PTPRD: variants seen among roughly 807,000 people sequenced by gnomAD.
The protein encoded by PTPRD is protein tyrosine phosphatase receptor type D, also known as receptor-type tyrosine-protein phosphatase delta.
In PTPRD, 34 loss-of-function variants were observed where a neutral mutation model predicts 214.5. The ratio of observed to expected loss-of-function variants is 0.16; its 90% CI spans 0.12 to 0.21. The LOEUF is 0.21. Among genes scored for constraint, PTPRD ranks in the 10% least tolerant of loss-of-function variants. The pLI is 1.00. For synonymous variants in PTPRD, 1,128 were observed against 845.7 expected (o/e 1.33, Z -5.79); for missense variants, 2,545 against 2,398.7 (o/e 1.06, Z -1.27).
chr9:8,453,187 G>A (rs763064305), intron 33 of PTPRD, among the ~76,000 whole-genome samples: 4 of 152,068 alleles, frequency 2.6e-5, no homozygotes, highest in Non-Finnish European at 5.9e-5. Context: ...TGAAAGGTAC[G>A]GAGTCCCACT....
At chr9:9,613,402 C>T (rs928794884) in intron 7 of PTPRD, among the ~76,000 whole-genome samples, 5 of 151,806 alleles carry the variant, frequency 3.3e-5, no homozygotes, top group African/African-American at 7.3e-5. Flanking sequence ...ATTGCCTTCA[C>T]GATCATTGTC....
At chr9:10,352,047 G>C (rs1026461773) in intron 2 of PTPRD, among the ~76,000 whole-genome samples, 2 of 152,012 alleles carry the variant, frequency 1.3e-5, no homozygotes, top group African/African-American at 4.8e-5. Context: ...GTGGTGGAAA[G>C]AGAACTGAAT....
At chr9:9,119,834 A>AT (rs111523295) in intron 10 of PTPRD, among the ~76,000 whole-genome samples, 4,623 of 144,140 alleles carry the variant, frequency 0.032, 115 homozygotes, top group East Asian at 0.075. Flanking sequence ...AGATTCTGTG[A>AT]TTTTTTTTTT....
chr9:10,590,122 G>A (rs1425140670), intron 2 of PTPRD, among the ~76,000 whole-genome samples: 3 of 151,910 alleles, frequency 2.0e-5, no homozygotes, highest in Non-Finnish European at 4.4e-5. Flanking sequence ...TTAAACTTCT[G>A]AGCACTAGTA....
intron 14 of PTPRD, among the ~76,000 whole-genome samples, chr9:8,535,322 G>A (rs1377378728): frequency 6.6e-6 from 1 of 151,724 alleles, no homozygotes; most frequent in Non-Finnish European, 1.5e-5. Flanking sequence ...AAAAAACAGG[G>A]GTTATCTAGA....
intron 2 of PTPRD, among the ~76,000 whole-genome samples, chr9:10,518,425 G>A (rs747299741): frequency 3.3e-5 from 5 of 152,116 alleles, no homozygotes; most frequent in African/African-American, 7.2e-5. Flanking sequence ...AATCAGTCCA[G>A]TGGAAATTGA....
At chr9:8,619,701 G>C (rs558205421) in intron 14 of PTPRD, among the ~76,000 whole-genome samples, 72 of 151,696 alleles carry the variant, frequency 4.7e-4, no homozygotes, top group Middle Eastern at 3.4e-3. Context: ...CAAGGACGAT[G>C]ACTAAATAAA....
intron 2 of PTPRD, among the ~76,000 whole-genome samples, chr9:10,550,418 T>C (rs1407596575): frequency 6.6e-6 from 1 of 152,182 alleles, no homozygotes; most frequent in East Asian, 1.9e-4. Context: ...TAGGATTTAA[T>C]TCCAGGAAAC....
intron 3 of PTPRD, among the ~76,000 whole-genome samples, chr9:10,045,684 C>T (rs2097375083): frequency 6.6e-6 from 1 of 151,556 alleles, no homozygotes; most frequent in South Asian, 2.1e-4. Flanking sequence ...ATAATCATTC[C>T]TATTTTAAAT....
intron 4 of PTPRD, among the ~76,000 whole-genome samples, chr9:10,009,315 G>A (rs1244719172): frequency 7.0e-6 from 1 of 142,692 alleles, no homozygotes; most frequent in Non-Finnish European, 1.6e-5. Context: ...TATCCAAGGT[G>A]GTTGGGTTAC....
chr9:9,666,184 C>A (rs1323842099), intron 7 of PTPRD, among the ~76,000 whole-genome samples: 5 of 151,686 alleles, frequency 3.3e-5, no homozygotes, highest in African/African-American at 1.2e-4. Flanking sequence ...ATTTATAGCA[C>A]TAAAACAGGA....
intron 3 of PTPRD, among the ~76,000 whole-genome samples, chr9:10,304,610 T>C (rs612312): frequency 0.31 from 46,741 of 151,590 alleles, 8,512 homozygotes; most frequent in African/African-American, 0.5. Context: ...GATCCCTATA[T>C]ACAAATAATA....
chr9:8,512,503 C>T (rs920254658), intron 21 of PTPRD, among the ~76,000 whole-genome samples: 2 of 151,972 alleles, frequency 1.3e-5, no homozygotes. Flanking sequence ...TGTTGACATA[C>T]ACTAATGAAA....
intron 9 of PTPRD, among the ~76,000 whole-genome samples, chr9:9,200,858 T>C (rs1593423602): frequency 2.0e-5 from 3 of 152,228 alleles, no homozygotes; most frequent in South Asian, 4.1e-4. Flanking sequence ...AAAACCATCA[T>C]TGATTACATT....
intron 8 of PTPRD, among the ~76,000 whole-genome samples, chr9:9,547,227 G>C (rs1202731621): frequency 6.6e-6 from 1 of 152,012 alleles, no homozygotes; most frequent in Non-Finnish European, 1.5e-5. Context: ...TTCAGAAAAA[G>C]TACGCAGTCA....
chr9:9,877,865 TG>T lies in PTPRD; in HGVS notation c.-368+60641del, dbSNP rs773025920. On this transcript the variant is annotated intron_variant, in intron 5 of 45. Coordinates refer to ENST00000381196, the MANE Select transcript of PTPRD (RefSeq NM_002839.4). ...GCCCATGCCTGTAATCCTGGCTACT[TG>T]GGAGGCTGAGGCAGGAGAATTGCTT... 2.0e-5 allele frequency among the ~76,000 whole-genome samples: 3 copies of T among 146,754 alleles called. No homozygotes were observed. The East Asian group carries it at 6.2e-4, about 30-fold the overall frequency.
At chr9:9,258,285 G>T (rs1235423842) in intron 9 of PTPRD, among the ~76,000 whole-genome samples, 1 of 151,838 alleles carries the variant, frequency 6.6e-6, no homozygotes, top group East Asian at 2.0e-4. Flanking sequence ...TGGCTTCCAG[G>T]CAACAATACT....
intron 9 of PTPRD, among the ~76,000 whole-genome samples, chr9:9,240,517 A>G (rs1430056197): frequency 2.6e-5 from 4 of 152,272 alleles, no homozygotes; most frequent in African/African-American, 7.2e-5. Flanking sequence ...CTAGAAATAC[A>G]AAAATTAGCT....
intron 9 of PTPRD, among the ~76,000 whole-genome samples, chr9:9,297,062 T>C (rs919390990): frequency 3.3e-5 from 5 of 151,696 alleles, no homozygotes; most frequent in African/African-American, 9.7e-5. Flanking sequence ...AGAGTTAAAA[T>C]GCACTGCATG....
Sources: gnomAD v4.1 joint callset for allele counts (sites outside exome capture counted in the v4.1 genomes callset) on GRCh38, gnomAD v4.1.1 for gene constraint, MANE v1.5 for transcripts, NCBI Gene and HGNC (gene_info 2026-07-23, HGNC 2026-07-21) for gene names.